Variants in NCOR1 observed in about 807,000 individuals in gnomAD.
The protein encoded by NCOR1 is protein phosphatase 1, regulatory subunit 109.
Under a neutral mutation model 288.1 loss-of-function variants are expected in NCOR1, and 63 were observed. The ratio of observed to expected loss-of-function variants is 0.22; its 90% CI spans 0.18 to 0.27. The LOEUF is 0.27. Ranked by LOEUF, NCOR1 falls within the 10% of genes least tolerant of loss-of-function variation. The pLI, the probability that NCOR1 is intolerant of heterozygous loss-of-function variation, is 1.00. For missense variants in NCOR1, 2,397 were observed against 3,019.2 expected (o/e 0.79, Z 4.83); for synonymous variants, 1,007 against 1,065.9 (o/e 0.94, Z 1.08).
chr17:16,054,083 A>C (rs1411547179), intron 40 of NCOR1, among the ~76,000 whole-genome samples: 5 of 150,324 alleles, frequency 3.3e-5, no homozygotes, highest in African/African-American at 9.7e-5. Flanking sequence ...AAAAAAAAAA[A>C]AAAAAAAAAA....
chr17:16,091,641 T>C, intron 22 of NCOR1: 11 of 1,371,826 alleles, frequency 8.0e-6, no homozygotes, highest in Non-Finnish European at 1.0e-5. Context: ...AAAATTCACA[T>C]TAACTAGAAT....
chr17:16,166,743 C>T (rs1337806927), intron 4 of NCOR1, among the ~76,000 whole-genome samples: 31 of 150,658 alleles, frequency 2.1e-4, no homozygotes, highest in African/African-American at 7.5e-4. Context: ...TTTTTCTCCC[C>T]CTCCCTCCTT....
At chr17:16,128,402 C>T (rs2075084627) in intron 14 of NCOR1, among the ~76,000 whole-genome samples, 1 of 152,238 alleles carries the variant, frequency 6.6e-6, no homozygotes, top group Non-Finnish European at 1.5e-5. Context: ...CTGCTTGTAG[C>T]ACTGTCACTA....
At chr17:16,063,640 A>G (rs1302503598) in intron 35 of NCOR1, among the ~76,000 whole-genome samples, 1 of 152,162 alleles carries the variant, frequency 6.6e-6, no homozygotes, top group Non-Finnish European at 1.5e-5. Context: ...TGTCCCTCTG[A>G]TCATGTCACC....
chr17:16,155,206 C>G (rs950401094), intron 6 of NCOR1, among the ~76,000 whole-genome samples: 1 of 151,990 alleles, frequency 6.6e-6, no homozygotes, highest in African/African-American at 2.4e-5. Flanking sequence ...CAAAAATTAG[C>G]CAGGCATGGT....
At chr17:16,118,524 C>T (rs1157319690) in intron 17 of NCOR1, among the ~76,000 whole-genome samples, 5 of 152,098 alleles carry the variant, frequency 3.3e-5, no homozygotes, top group African/African-American at 1.2e-4. Context: ...TAAAAAAATC[C>T]TATGGTAATA....
intron 13 of NCOR1, 49 bp from the exon 14 acceptor site, chr17:16,137,461 AT>A (rs998069302): frequency 1.6e-5 from 16 of 1,021,138 alleles, no homozygotes; most frequent in Non-Finnish European, 2.1e-5. Flanking sequence ...AAATAAAGAA[AT>A]TTTTTAATTA....
chr17:16,041,466 T>G lies in NCOR1; in HGVS notation c.6680-972A>C, dbSNP rs565696801. On this transcript the variant is annotated intron_variant, in intron 42 of 45. Transcript: ENST00000268712. The stretch of plus-strand genomic sequence containing the variant: ...TTTATTCTTGTCACCCAGGCTGGAG[T>G]GCAATGGCGTGATCTAGGCTCACTG... Among the ~76,000 whole-genome samples the G allele has an allele frequency of 3.0e-5, 4 of 133,862 alleles. No individual in the cohort carries two copies. In the South Asian group the frequency reaches 7.2e-4, roughly 24 times the overall value. The allele number at this position is 133,862 out of a possible 152,430, so 87.8% of individuals were successfully genotyped here. A position where few individuals can be genotyped will look rare whatever the true frequency, so the allele number is the denominator to read the frequency against.
chr17:16,199,476 G>T (rs577735579), intron 1 of NCOR1, among the ~76,000 whole-genome samples: 1 of 152,200 alleles, frequency 6.6e-6, no homozygotes, highest in South Asian at 2.1e-4. Context: ...GAAACATTCC[G>T]ATCTAGTAAG....
intron 14 of NCOR1, among the ~76,000 whole-genome samples, chr17:16,133,800 G>A (rs1286264855): frequency 2.0e-5 from 3 of 152,136 alleles, no homozygotes; most frequent in Non-Finnish European, 2.9e-5. Flanking sequence ...GCCTGTCACA[G>A]CAAATGGCAA....
intron 40 of NCOR1, among the ~76,000 whole-genome samples, chr17:16,056,036 T>G (rs774390075): frequency 1.3e-5 from 2 of 152,212 alleles, no homozygotes; most frequent in Non-Finnish European, 2.9e-5. Context: ...ACTTGTTCTC[T>G]CTACTTTTGT....
intron 5 of NCOR1, among the ~76,000 whole-genome samples, chr17:16,159,653 A>G (rs1243720664): frequency 6.6e-6 from 1 of 152,092 alleles, no homozygotes; most frequent in Admixed American, 6.5e-5. Flanking sequence ...GCCACCCTCA[A>G]CACCCAATCT....
chr17:16,051,925 A>C (rs1186689661), intron 40 of NCOR1, among the ~76,000 whole-genome samples: 1 of 152,152 alleles, frequency 6.6e-6, no homozygotes, highest in Non-Finnish European at 1.5e-5. Flanking sequence ...AAATAAATAA[A>C]TAAATAAAAT....
chr17:16,138,885 T>C, intron 12 of NCOR1, 123 bp downstream of exon 12: 2 of 661,862 alleles, frequency 3.0e-6, no homozygotes, highest in Non-Finnish European at 5.0e-6. Context: ...TTCACAGTAT[T>C]GATTCAAACA....
chr17:16,062,788 C>G (rs2060679891), intron 35 of NCOR1, among the ~76,000 whole-genome samples: 1 of 152,232 alleles, frequency 6.6e-6, no homozygotes, highest in South Asian at 2.1e-4. Context: ...TTTCTCTCAG[C>G]AAGCTCTCTC....
chr17:16,135,515 A>G (rs895987353), intron 14 of NCOR1, among the ~76,000 whole-genome samples: 1 of 152,164 alleles, frequency 6.6e-6, no homozygotes, highest in African/African-American at 2.4e-5. Context: ...AAAAAATTTT[A>G]AAAACAAGGT....
At chr17:16,110,200 A>T (rs977930579) in intron 18 of NCOR1, among the ~76,000 whole-genome samples, 6 of 152,124 alleles carry the variant, frequency 3.9e-5, no homozygotes, top group African/African-American at 1.2e-4. Context: ...TACAAAAAAT[A>T]AAAAAATTAG....
chr17:16,093,824 T>A (rs1180008101), intron 21 of NCOR1, among the ~76,000 whole-genome samples: 1 of 152,196 alleles, frequency 6.6e-6, no homozygotes, highest in African/African-American at 2.4e-5. Flanking sequence ...AAGAAGACAC[T>A]CCCTCTTCTC....
chr17:16,160,905 C>G (rs1212314149), intron 5 of NCOR1, among the ~76,000 whole-genome samples: 1 of 152,034 alleles, frequency 6.6e-6, no homozygotes, highest in East Asian at 1.9e-4. Flanking sequence ...CCTATTCTGG[C>G]TCAGGAGGCT....
Sources: allele counts gnomAD v4.1 joint callset (sites outside exome capture counted in the v4.1 genomes callset), GRCh38; gene constraint gnomAD v4.1.1; transcripts MANE v1.5; gene names NCBI Gene and HGNC (gene_info 2026-07-23, HGNC 2026-07-21).